The following WNK2 variants were observed in gnomAD, a reference collection of about 807,000 sequenced individuals.
The protein encoded by WNK2 is serine/threonine-protein kinase WNK2.
Under a neutral mutation model 192.1 loss-of-function variants are expected in WNK2, and 67 were observed. That is an observed-to-expected ratio of 0.35 (90% CI 0.29 to 0.43). The LOEUF (loss-of-function observed/expected upper bound fraction) is 0.43, where lower values mean the gene tolerates loss of function less well. Ranked by LOEUF, WNK2 falls within the 20% of genes least tolerant of loss-of-function variation. The pLI, the probability that WNK2 is intolerant of heterozygous loss-of-function variation, is 1.00. For synonymous variants in WNK2, 1,439 were observed against 1,393.9 expected, an observed-to-expected ratio of 1.03 and a Z score of -0.72; for missense variants, 2,698 against 3,089.7, an observed-to-expected ratio of 0.87 and a Z score of 3.01.
intron 28 of WNK2, among the ~76,000 whole-genome samples, chr9:93,315,075 C>T (rs548227274): frequency 1.3e-5 from 2 of 152,332 alleles, no homozygotes; most frequent in African/African-American, 4.8e-5. Flanking sequence ...TTCCAGCCCT[C>T]AGCACCATTG....
chr9:93,254,627 A>G (rs932222083), intron 9 of WNK2, among the ~76,000 whole-genome samples: 6 of 152,166 alleles, frequency 3.9e-5, no homozygotes, highest in African/African-American at 1.2e-4. Flanking sequence ...TCTTCATTTC[A>G]CAAAATGAAG....
intron 29 of WNK2, chr9:93,319,448 C>T: frequency 1.0e-6 from 1 of 977,272 alleles, no homozygotes; most frequent in South Asian, 4.7e-5. Context: ...TGGCCTGGGC[C>T]CCGAGCACGG....
intron 2 of WNK2, among the ~76,000 whole-genome samples, chr9:93,228,271 A>ATT (rs200089355): frequency 1.3e-5 from 2 of 151,494 alleles, no homozygotes; most frequent in African/African-American, 4.9e-5. Flanking sequence ...TTGGGATGTA[A>ATT]TTTTTTTTAC....
At chr9:93,305,493 C>T (rs1008789122) in intron 26 of WNK2, among the ~76,000 whole-genome samples, 6 of 152,224 alleles carry the variant, frequency 3.9e-5, no homozygotes, top group Admixed American at 2.6e-4. Flanking sequence ...GGATCCCTCC[C>T]GCTGGGCTCC....
At chr9:93,208,413 TG>T (rs1211371914) in intron 2 of WNK2, among the ~76,000 whole-genome samples, 1 of 152,254 alleles carries the variant, frequency 6.6e-6, no homozygotes, top group Non-Finnish European at 1.5e-5. Flanking sequence ...GCCATTTGGC[TG>T]GTTTCTCTGT....
intron 7 of WNK2, among the ~76,000 whole-genome samples, chr9:93,243,750 C>T (rs968816807): frequency 3.9e-5 from 6 of 152,208 alleles, no homozygotes; most frequent in African/African-American, 1.2e-4. Context: ...ACCTCACACT[C>T]CTCCTTCCCA....
intron 2 of WNK2, among the ~76,000 whole-genome samples, chr9:93,204,286 C>T (rs1050539107): frequency 2.6e-5 from 4 of 152,148 alleles, no homozygotes; most frequent in African/African-American, 9.7e-5. Context: ...CTCAACATTT[C>T]TGCTGGGGAG....
Position 93,289,659 on chromosome 9 carries a change from C to T in WNK2, c.4866+39C>T. ...TTGTCCCAGAGACACTGCCCTGGGT[C>T]AGGGGCCGGAGCCCGGGCGCAGGCC... On this transcript the variant is annotated intron_variant, in intron 20 of 29. Transcript: ENST00000427277. 6 of 1,428,682 alleles carry T rather than the reference C, an allele frequency of 4.2e-6. No homozygotes were observed. In the South Asian group the frequency reaches 9.0e-5, roughly 21 times the overall value. 88.5% of individuals were successfully genotyped at this position (1,428,682 alleles called of 1,614,324 possible).
At chr9:93,306,484 T>C (rs980686645) in intron 26 of WNK2, among the ~76,000 whole-genome samples, 1 of 152,160 alleles carries the variant, frequency 6.6e-6, no homozygotes, top group Admixed American at 6.5e-5. Context: ...TCTTTTCTTT[T>C]TTCTTTCTCT....
At chr9:93,273,792 A>G (rs1846343616) in intron 19 of WNK2, among the ~76,000 whole-genome samples, 1 of 152,272 alleles carries the variant, frequency 6.6e-6, no homozygotes. Context: ...TATTGAAATT[A>G]TGTCAAGTAT....
Position 93,257,017 on chromosome 9 carries a change from C to T in WNK2, c.2260C>T (p.Pro754Ser), listed in dbSNP as rs775970634. The change falls in exon 11 of 30, where the codon CCG (proline) becomes TCG (serine). Residue 754 changes from proline to serine, a missense_variant. Physicochemically the swap from Pro to Ser is moderately conservative, Grantham distance 74 (BLOSUM62 -1). Transcript: ENST00000427277. The surrounding 1 kb of genome is among the most constrained non-coding windows in gnomAD (Gnocchi z 4.7). The part of the protein sequence containing the change: ...LAPQPVVPLQ[P>S]VPPHLPPYLA... Reference sequence around the variant, plus strand: ...CCCACAGCCCGTGGTCCCCCTCCAGCCGGTTCCCCCCCACCTGCCACCGTA... The same window carrying T: ...CCCACAGCCCGTGGTCCCCCTCCAGTCGGTTCCCCCCCACCTGCCACCGTA... 1 of 1,603,070 alleles carries T rather than the reference C, an allele frequency of 6.2e-7. No homozygotes were observed. The highest frequency in any genetic ancestry group is 1.1e-5 in the South Asian group (1 of 90,264).
chr9:93,304,572 G>A (rs1429864859), intron 26 of WNK2, among the ~76,000 whole-genome samples: 2 of 152,238 alleles, frequency 1.3e-5, no homozygotes, highest in Non-Finnish European at 2.9e-5. Flanking sequence ...AGTTTCCTTT[G>A]TTCTCCCGTT....
At chr9:93,184,845 A>C in intron 1 of WNK2, 83 bp from the exon 2 acceptor site, 1 of 1,119,906 alleles carries the variant, frequency 8.9e-7, no homozygotes, top group South Asian at 4.6e-5. Flanking sequence ...TTGCGGGCTT[A>C]GGGCGGCGTT....
At chr9:93,221,675 C>G (rs1352961326) in intron 2 of WNK2, among the ~76,000 whole-genome samples, 1 of 152,198 alleles carries the variant, frequency 6.6e-6, no homozygotes, top group African/African-American at 2.4e-5. Flanking sequence ...TGAAGAAAAT[C>G]CTTTGGTCCT....
rs1851200759 is a variant in WNK2 at position 93,299,408 on chromosome 9, A to G, written c.6115+147A>G. 4 of 856,862 alleles carry G rather than the reference A, an allele frequency of 4.7e-6. No individual in the cohort carries two copies. The South Asian group carries it at 9.2e-5, about 20-fold the overall frequency. The allele number at this position is 856,862 out of a possible 1,614,324, so 53.1% of individuals were successfully genotyped here. A position where few individuals can be genotyped will look rare whatever the true frequency, so the allele number is the denominator to read the frequency against. On this transcript the variant is annotated intron_variant, in intron 25 of 29. Coordinates refer to ENST00000427277, the MANE Select transcript of WNK2 (RefSeq NM_006648.4). The stretch of plus-strand genomic sequence containing the variant: ...CTTCTTTTAAAAAGGATAAAAAAAA[A>G]AAGGTGTAGTCTTTGGATGAAAGGA...
Position 93,247,474 on chromosome 9 carries a change from T to C in WNK2, c.1543-69T>C, listed in dbSNP as rs1841926854. ...GGATGAGCCAGTGATGGGAAAGCAC[T>C]TTAGGTAAGGGGTGTGGGCCGGTGA... On this transcript the variant is annotated intron_variant, in intron 7 of 29. Transcript: ENST00000427277. This position sits in a 1 kb window ranked among gnomAD's most constrained non-coding sequence, Gnocchi z 5.2. The C allele has an allele frequency of 1.4e-5, 21 of 1,532,568 alleles. No homozygotes were observed. The highest frequency in any genetic ancestry group is 1.9e-5 in the Non-Finnish European group (21 of 1,129,096). The allele number at this position is 1,532,568 out of a possible 1,614,324, so 94.9% of individuals were successfully genotyped here. A position where few individuals can be genotyped will look rare whatever the true frequency, so the allele number is the denominator to read the frequency against.
intron 9 of WNK2, among the ~76,000 whole-genome samples, chr9:93,253,742 C>T (rs1842907027): frequency 6.6e-6 from 1 of 152,102 alleles, no homozygotes; most frequent in South Asian, 2.1e-4. Context: ...GGTTGATTCC[C>T]ACGGGAAAGA....
In WNK2 at chr9:93,258,956, C is replaced by G. The variant is rs943330164; in HGVS notation, c.2408C>G (p.Pro803Arg). The change falls in exon 12 of 30, where the codon CCC (proline) becomes CGC (arginine). Residue 803 changes from proline to arginine, a missense_variant. Physicochemically the swap from Pro to Arg is moderately radical, Grantham distance 103 (BLOSUM62 -2). This residue lies in a region of WNK2 where 893 missense variants were observed against 909.0 expected (regional missense o/e 0.98). Transcript: ENST00000427277. ...PQMPPIPVVP[P>R]ITPLAGIDGL... The stretch of plus-strand genomic sequence containing the variant: ...ATGCCCCCGATTCCTGTTGTGCCCC[C>G]CATCACGCCCCTGGCGGGAATCGAC... The G allele has an allele frequency of 3.7e-6, 6 of 1,612,626 alleles. No individual in the cohort carries two copies. The highest frequency in any genetic ancestry group is 5.1e-6 in the Non-Finnish European group (6 of 1,179,626).
Position 93,184,319 on chromosome 9 carries a change from C to A in WNK2, c.-69C>A, listed in dbSNP as rs1404216556. Among the ~76,000 whole-genome samples, 1 of 151,182 alleles carries A rather than the reference C, an allele frequency of 6.6e-6. No homozygotes were observed. Among genetic ancestry groups the A allele is most frequent in the African/African-American group, 2.4e-5 (1 of 41,300 alleles). On this transcript the variant is annotated 5_prime_UTR_variant, in exon 1 of 30. Coordinates refer to ENST00000427277, the MANE Select transcript of WNK2 (RefSeq NM_006648.4). ...CGGAACTCGGACCCCGTCCTCGAAG[C>A]GTGATCTCTCCCGCCTCGCACGCCC...
Sources: gnomAD v4.1 joint callset for allele counts (sites outside exome capture counted in the v4.1 genomes callset) on GRCh38, gnomAD v4.1.1 for gene constraint, gnomAD v4.1.1 regional missense constraint, Gnocchi (gnomAD v3.1) non-coding constraint, MANE v1.5 for transcripts, NCBI Gene and HGNC (gene_info 2026-07-23, HGNC 2026-07-21) for gene names.